The following GABRG3 variants were observed in gnomAD, a reference collection of about 807,000 sequenced individuals.
GABRG3 encodes gamma-aminobutyric acid type A receptor subunit gamma3.
In GABRG3, 25 loss-of-function variants were observed where a neutral mutation model predicts 48.8. The ratio of observed to expected loss-of-function variants is 0.51; its 90% confidence interval spans 0.37 to 0.72. The LOEUF (loss-of-function observed/expected upper bound fraction) is 0.72, where lower values mean the gene tolerates loss of function less well. Among genes scored for constraint, GABRG3 ranks in the 30% least tolerant of loss-of-function variants. GABRG3 has a pLI of 0.00. For missense variants in GABRG3, 394 were observed against 577.9 expected (o/e 0.68, Z 3.26); for synonymous variants, 227 against 217.6 (o/e 1.04, Z -0.38).
intron 3 of GABRG3, among the ~76,000 whole-genome samples, chr15:27,159,262 A>G (rs1485209879): frequency 6.6e-6 from 1 of 152,076 alleles, no homozygotes; most frequent in African/African-American, 2.4e-5. Flanking sequence ...CAGGTGAATC[A>G]CTTGAGCTCA....
intron 5 of GABRG3, among the ~76,000 whole-genome samples, chr15:27,408,886 C>G (rs79213893): frequency 0.063 from 9,640 of 152,226 alleles, 335 homozygotes; most frequent in Middle Eastern, 0.13. Context: ...TTTGCCCCAT[C>G]ATCAAGCTTG....
intron 3 of GABRG3, among the ~76,000 whole-genome samples, chr15:27,296,054 G>A (rs766734796): frequency 5.9e-5 from 9 of 152,158 alleles, no homozygotes; most frequent in Non-Finnish European, 1.2e-4. Context: ...GCCAGGAGTA[G>A]AGCTCTTGCC....
chr15:27,027,171 A>G, intron 3 of GABRG3: 1 of 193,788 alleles, frequency 5.2e-6, no homozygotes, highest in South Asian at 1.3e-4. Context: ...GGGATCAAAT[A>G]TGTGCTTTCC....
chr15:27,089,050 A>G (rs1370544045), intron 3 of GABRG3, among the ~76,000 whole-genome samples: 1 of 152,144 alleles, frequency 6.6e-6, no homozygotes, highest in Non-Finnish European at 1.5e-5. Flanking sequence ...GTCTGAGAGC[A>G]GAATGTCGGT....
At chr15:27,303,734 A>G (rs935400394) in intron 3 of GABRG3, among the ~76,000 whole-genome samples, 4 of 151,218 alleles carry the variant, frequency 2.6e-5, no homozygotes, top group African/African-American at 9.7e-5. Flanking sequence ...TATATCCACT[A>G]TATATATATC....
chr15:27,098,145 G>A (rs1418252336), intron 3 of GABRG3, among the ~76,000 whole-genome samples: 2 of 152,046 alleles, frequency 1.3e-5, no homozygotes, highest in Admixed American at 6.6e-5. Context: ...AAAAAATACT[G>A]AATGTTGGCC....
At chr15:27,348,265 A>G (rs1354674844) in intron 5 of GABRG3, among the ~76,000 whole-genome samples, 1 of 152,182 alleles carries the variant, frequency 6.6e-6, no homozygotes, top group Non-Finnish European at 1.5e-5. Context: ...TGGAAGCAGT[A>G]AGAATCTCAT....
intron 5 of GABRG3, among the ~76,000 whole-genome samples, chr15:27,398,030 C>T (rs11858649): frequency 0.053 from 8,012 of 151,978 alleles, 705 homozygotes; most frequent in African/African-American, 0.19. Context: ...GGTCTCGATC[C>T]CCTGACCTCG....
intron 3 of GABRG3, among the ~76,000 whole-genome samples, chr15:27,112,195 G>T (rs1402861377): frequency 6.6e-6 from 1 of 151,984 alleles, no homozygotes; most frequent in African/African-American, 2.4e-5. Context: ...GCAGATCTTT[G>T]CAGTGTCTCT....
intron 3 of GABRG3, among the ~76,000 whole-genome samples, chr15:27,122,215 C>G (rs144083611): frequency 0.033 from 5,043 of 151,834 alleles, 98 homozygotes; most frequent in East Asian, 0.089. Context: ...CTCATGTACC[C>G]CATAAATATA....
chr15:27,131,130 G>T (rs1897909150), intron 3 of GABRG3, among the ~76,000 whole-genome samples: 1 of 152,072 alleles, frequency 6.6e-6, no homozygotes, highest in South Asian at 2.1e-4. Flanking sequence ...TAGAGGAAAA[G>T]CTTTCAGTCA....
chr15:27,063,060 T>C (rs1052967839), intron 3 of GABRG3, among the ~76,000 whole-genome samples: 2 of 152,098 alleles, frequency 1.3e-5, no homozygotes, highest in Admixed American at 6.5e-5. Flanking sequence ...TGATGCGTTT[T>C]CCCCCCCAAT....
intron 7 of GABRG3, among the ~76,000 whole-genome samples, chr15:27,523,210 C>T (rs1466494655): frequency 6.6e-6 from 1 of 151,754 alleles, no homozygotes; most frequent in East Asian, 1.9e-4. Flanking sequence ...AACTTTAAAA[C>T]ATTTCTGACA....
chr15:27,007,517 A>G (rs1188715804), intron 2 of GABRG3, among the ~76,000 whole-genome samples: 1 of 152,174 alleles, frequency 6.6e-6, no homozygotes, highest in Non-Finnish European at 1.5e-5. Context: ...GGCTGAACTA[A>G]TTTACATTCC....
At chr15:27,272,808 T>C (rs1278991513) in intron 3 of GABRG3, among the ~76,000 whole-genome samples, 1 of 152,154 alleles carries the variant, frequency 6.6e-6, no homozygotes, top group Non-Finnish European at 1.5e-5. Context: ...CAAAATAGAA[T>C]CAGGACAAGT....
At chr15:27,349,585 C>T (rs188790010) in intron 5 of GABRG3, among the ~76,000 whole-genome samples, 3 of 152,336 alleles carry the variant, frequency 2.0e-5, no homozygotes, top group African/African-American at 7.2e-5. Flanking sequence ...GGGGTCGACC[C>T]TGTCTTTGAA....
At chr15:27,336,876 G>A (rs1893994865) in intron 5 of GABRG3, among the ~76,000 whole-genome samples, 1 of 152,156 alleles carries the variant, frequency 6.6e-6, no homozygotes, top group Non-Finnish European at 1.5e-5. Flanking sequence ...GTCTGCAACA[G>A]CATTCGAAGC....
At chr15:27,418,704 T>G (rs1888017519) in intron 5 of GABRG3, 1 of 152,270 alleles carries the variant, frequency 6.6e-6, no homozygotes, top group African/African-American at 2.4e-5. Context: ...GAATAATAAT[T>G]TTTAAAGCCA....
In GABRG3 at chr15:27,401,009, C is replaced by A. The variant is rs1391802428; in HGVS notation, c.574+72121C>A. Reference sequence around the variant, plus strand: ...TTGAACCTAGATGTAAAGAAAATTTCATTTTTATTTCCACTAACCTCTAAC... The same window carrying A: ...TTGAACCTAGATGTAAAGAAAATTTAATTTTTATTTCCACTAACCTCTAAC... On this transcript the variant is annotated intron_variant, in intron 5 of 9. Coordinates refer to ENST00000615808, the MANE Select transcript of GABRG3 (RefSeq NM_033223.5). 2.0e-5 allele frequency among the ~76,000 whole-genome samples: 3 copies of A among 152,212 alleles called. No individual in the cohort carries two copies. The East Asian group carries it at 5.8e-4, about 29-fold the overall frequency.
Sources: allele counts gnomAD v4.1 joint callset (sites outside exome capture counted in the v4.1 genomes callset), GRCh38; gene constraint gnomAD v4.1.1; transcripts MANE v1.5; gene names NCBI Gene and HGNC (gene_info 2026-07-23, HGNC 2026-07-21).